PSMD14: variants seen among roughly 807,000 people sequenced by gnomAD.
The protein encoded by PSMD14 is ubiquitin C-terminal hydrolase PSMD14.
PSMD14 carries 7 observed loss-of-function variants against 41.2 expected under a neutral mutation model. The observed-to-expected ratio is 0.17, with a 90% CI of 0.10 to 0.32. The LOEUF is 0.32. Ranked by LOEUF, PSMD14 falls within the 10% of genes least tolerant of loss-of-function variation. The pLI is 1.00. For missense variants in PSMD14, 139 were observed against 375.6 expected (o/e 0.37, Z 5.21); for synonymous variants, 114 against 122.3 (o/e 0.93, Z 0.45).
At chr2:161,358,640 G>A (rs1683241503) in intron 3 of PSMD14, among the ~76,000 whole-genome samples, 1 of 152,082 alleles carries the variant, frequency 6.6e-6, no homozygotes, top group African/African-American at 2.4e-5. Flanking sequence ...TTCTCCTTAA[G>A]TTTTTTCATG....
intron 7 of PSMD14, among the ~76,000 whole-genome samples, chr2:161,378,555 T>C (rs2105261308): frequency 6.6e-6 from 1 of 152,098 alleles, no homozygotes; most frequent in African/African-American, 2.4e-5. Context: ...TGTGTGCCAC[T>C]TACTCTGTTA....
At chr2:161,378,167 C>G (rs1683526151) in intron 7 of PSMD14, among the ~76,000 whole-genome samples, 1 of 151,994 alleles carries the variant, frequency 6.6e-6, no homozygotes, top group Non-Finnish European at 1.5e-5. Context: ...TTTCTTCAGT[C>G]ATAATTGATC....
chr2:161,358,676 G>T (rs1683242125), intron 3 of PSMD14, among the ~76,000 whole-genome samples: 1 of 152,180 alleles, frequency 6.6e-6, no homozygotes, highest in South Asian at 2.1e-4. Flanking sequence ...CGGGCACGGT[G>T]GCTCACGCCT....
intron 3 of PSMD14, 50 bp from the exon 4 acceptor site, chr2:161,367,428 C>G (rs770518079): frequency 8.4e-6 from 12 of 1,433,942 alleles, no homozygotes; most frequent in Middle Eastern, 3.5e-4. Context: ...GAATTTTAAA[C>G]TCATAAACTC....
chr2:161,411,398 T>G lies in PSMD14; in HGVS notation c.931T>G (p.Ter311GluextTer7). The part of the protein sequence containing the change: ...AAMLDTVVFK[*>E] ...TATGTTGGATACTGTCGTATTTAAA[T>G]AAAGCAACGAAAAACGCTATTAATG... The change falls in exon 12 of 12, where the codon TAA becomes GAA. Residue 311 changes from the stop codon to glutamate, a stop_lost. Transcript: ENST00000409682. 6.3e-7 allele frequency: 1 copy of G among 1,597,662 alleles called. No individual in the cohort carries two copies. Among genetic ancestry groups the G allele is most frequent in the South Asian group, 1.1e-5 (1 of 89,614 alleles).
chr2:161,310,464 G>C (rs1689075705), intron 1 of PSMD14, among the ~76,000 whole-genome samples: 1 of 152,134 alleles, frequency 6.6e-6, no homozygotes, highest in Non-Finnish European at 1.5e-5. Flanking sequence ...TCAGGAACTT[G>C]TCATATTCCC....
intron 10 of PSMD14, among the ~76,000 whole-genome samples, chr2:161,398,283 A>G (rs996536870): frequency 2.0e-5 from 3 of 152,242 alleles, no homozygotes; most frequent in African/African-American, 4.8e-5. Context: ...CCAATTCTTC[A>G]TAGTATTCTT....
intron 1 of PSMD14, among the ~76,000 whole-genome samples, chr2:161,312,326 T>C (rs1320055195): frequency 6.6e-6 from 1 of 152,030 alleles, no homozygotes; most frequent in African/African-American, 2.4e-5. Context: ...GTGTTTTCAG[T>C]AGAGACGGGG....
chr2:161,404,397 A>C, intron 10 of PSMD14, among the ~76,000 whole-genome samples: 1 of 152,214 alleles, frequency 6.6e-6, no homozygotes, highest in Non-Finnish European at 1.5e-5. Context: ...TAAGTGGCCA[A>C]TCATAAGCAC....
At chr2:161,390,680 G>T (rs535296558) in intron 8 of PSMD14, among the ~76,000 whole-genome samples, 4 of 152,098 alleles carry the variant, frequency 2.6e-5, no homozygotes, top group Non-Finnish European at 5.9e-5. Flanking sequence ...ATTAGGAAAA[G>T]GGGAATTCCA....
chr2:161,394,988 G>GTTT, intron 9 of PSMD14, 90 bp from the exon 10 acceptor site: 31 of 850,196 alleles, frequency 3.6e-5, no homozygotes, highest in South Asian at 9.0e-5. Context: ...AAGTCGAAAT[G>GTTT]TTTTTTTTTT....
intron 7 of PSMD14, among the ~76,000 whole-genome samples, chr2:161,375,965 G>A (rs1186373821): frequency 6.6e-6 from 1 of 151,528 alleles, no homozygotes; most frequent in Non-Finnish European, 1.5e-5. Context: ...TTTCTTTCAG[G>A]GGTGGGTAGC....
chr2:161,381,651 A>T (rs1226378841), intron 7 of PSMD14: 2 of 151,902 alleles, frequency 1.3e-5, no homozygotes, highest in Non-Finnish European at 2.9e-5. Context: ...AATAAATAGC[A>T]TATTGGATGA....
chr2:161,341,178 G>C, intron 3 of PSMD14: 4 of 957,064 alleles, frequency 4.2e-6, no homozygotes, highest in Non-Finnish European at 5.0e-6. Context: ...GGCCCCGGTG[G>C]CCTCGGCCGG....
At chr2:161,318,474 A>G (rs1022897221) in intron 2 of PSMD14, among the ~76,000 whole-genome samples, 3 of 152,174 alleles carry the variant, frequency 2.0e-5, no homozygotes, top group Non-Finnish European at 2.9e-5. Context: ...AATCATACAT[A>G]TGATAAGCAT....
At chr2:161,374,479 T>C (rs1683478735) in intron 7 of PSMD14, among the ~76,000 whole-genome samples, 1 of 152,096 alleles carries the variant, frequency 6.6e-6, no homozygotes, top group Admixed American at 6.6e-5. Flanking sequence ...TGTACAGTAC[T>C]ATAAATGTTT....
chr2:161,344,905 C>G (rs1265131414), intron 3 of PSMD14, among the ~76,000 whole-genome samples: 1 of 152,192 alleles, frequency 6.6e-6, no homozygotes, highest in African/African-American at 2.4e-5. Flanking sequence ...TCCAATGAAT[C>G]AGTCTTCTTC....
chr2:161,329,083 G>T (rs2105235570), intron 3 of PSMD14, among the ~76,000 whole-genome samples: 1 of 152,162 alleles, frequency 6.6e-6, no homozygotes, highest in Non-Finnish European at 1.5e-5. Flanking sequence ...TATAGATCTT[G>T]CAGGGCCCTG....
intron 3 of PSMD14, among the ~76,000 whole-genome samples, chr2:161,346,581 C>A (rs1353910122): frequency 6.8e-6 from 1 of 147,656 alleles, no homozygotes; most frequent in African/African-American, 2.5e-5. Context: ...CGTGTGCTGG[C>A]TACTTTTTAT....
Sources: allele counts gnomAD v4.1 joint callset (sites outside exome capture counted in the v4.1 genomes callset), GRCh38; gene constraint gnomAD v4.1.1; transcripts MANE v1.5; gene names NCBI Gene and HGNC (gene_info 2026-07-23, HGNC 2026-07-21).